The following SORCS1 variants were observed in gnomAD, a reference collection of about 807,000 sequenced individuals.
SORCS1 encodes VPS10 domain-containing receptor SorCS1.
SORCS1 carries 60 observed loss-of-function variants against 146.1 expected under a neutral mutation model. That is an observed-to-expected ratio of 0.41 (90% CI 0.33 to 0.51). The LOEUF (loss-of-function observed/expected upper bound fraction) is 0.51. SORCS1 is among the 20% of genes least tolerant of loss of function. The pLI, the probability that SORCS1 is intolerant of heterozygous loss-of-function variation, is 0.21. For synonymous variants in SORCS1, 637 were observed against 584.0 expected (o/e 1.09, Z -1.31); for missense variants, 1,352 against 1,487.6 (o/e 0.91, Z 1.50).
At chr10:107,093,483 G>A (rs545058195) in intron 1 of SORCS1, among the ~76,000 whole-genome samples, 45 of 152,218 alleles carry the variant, frequency 3.0e-4, no homozygotes, top group African/African-American at 1.0e-3. Context: ...AACCATCCTG[G>A]CCAACACAGT....
intron 1 of SORCS1, among the ~76,000 whole-genome samples, chr10:107,138,422 T>A (rs1967523514): frequency 1.3e-5 from 2 of 152,320 alleles, no homozygotes; most frequent in East Asian, 1.9e-4. Flanking sequence ...ATCCTTTTCA[T>A]ACACAGTTTT....
At chr10:106,900,087 C>T (rs1211115884) in intron 2 of SORCS1, among the ~76,000 whole-genome samples, 1 of 152,110 alleles carries the variant, frequency 6.6e-6, no homozygotes, top group East Asian at 1.9e-4. Flanking sequence ...CCTTCCCAAA[C>T]CGCACACTAA....
intron 2 of SORCS1, among the ~76,000 whole-genome samples, chr10:106,911,571 CG>C (rs1668609152): frequency 6.6e-6 from 1 of 152,088 alleles, no homozygotes; most frequent in South Asian, 2.1e-4. Context: ...TCCCCACAGG[CG>C]ATGTCACTGA....
At chr10:106,907,598 G>C (rs1264265908) in intron 2 of SORCS1, among the ~76,000 whole-genome samples, 1 of 151,952 alleles carries the variant, frequency 6.6e-6, no homozygotes, top group Non-Finnish European at 1.5e-5. Context: ...TTCTTATTTT[G>C]ATGACAAAAA....
At chr10:106,945,566 T>C (rs148468952) in intron 2 of SORCS1, among the ~76,000 whole-genome samples, 2 of 152,372 alleles carry the variant, frequency 1.3e-5, no homozygotes, top group East Asian at 1.9e-4. Context: ...GTGGTGTTCA[T>C]ACCAATGTAC....
chr10:107,011,475 T>C (rs772060793), intron 1 of SORCS1, among the ~76,000 whole-genome samples: 3 of 152,234 alleles, frequency 2.0e-5, no homozygotes, highest in Admixed American at 6.5e-5. Flanking sequence ...TTGTAAATGC[T>C]GTGTCTTTGC....
At position 106,915,199 on chromosome 10, in the gene SORCS1, C is replaced by T. The variant is rs143091207; in HGVS notation, c.626+41314G>A. Among the ~76,000 whole-genome samples, 542 of 152,228 alleles carry T rather than the reference C, an allele frequency of 3.6e-3. 2 individuals carry two copies. The highest frequency in any genetic ancestry group is 0.012 in the African/African-American group (503 of 41,520). ...AATGGGTCCTGTTTTAGAGTTTCTT[C>T]TCTCAGTGAATGGCACCACTATCTG... On this transcript the variant is annotated intron_variant, in intron 2 of 25. Coordinates refer to ENST00000263054, the MANE Select transcript of SORCS1 (RefSeq NM_052918.5).
chr10:106,988,450 T>A (rs111284528), intron 1 of SORCS1, among the ~76,000 whole-genome samples: 1 of 152,204 alleles, frequency 6.6e-6, no homozygotes, highest in Non-Finnish European at 1.5e-5. Flanking sequence ...AGTCTCTCAG[T>A]TGGACGTCTT....
intron 1 of SORCS1, among the ~76,000 whole-genome samples, chr10:107,011,038 A>G (rs1468446322): frequency 6.6e-6 from 1 of 152,202 alleles, no homozygotes; most frequent in East Asian, 1.9e-4. Context: ...GGCAATTCCC[A>G]CACACTGGGA....
intron 21 of SORCS1, among the ~76,000 whole-genome samples, chr10:106,615,415 C>A (rs547698943): frequency 6.6e-6 from 1 of 152,206 alleles, no homozygotes; most frequent in Admixed American, 6.5e-5. Context: ...CTAACCCCAG[C>A]GTTTACAAAT....
intron 1 of SORCS1, among the ~76,000 whole-genome samples, chr10:106,980,201 G>A (rs1421819545): frequency 6.6e-6 from 1 of 152,218 alleles, no homozygotes; most frequent in Non-Finnish European, 1.5e-5. Flanking sequence ...ATGATGTTGG[G>A]CCAATGTGTC....
intron 18 of SORCS1, among the ~76,000 whole-genome samples, chr10:106,638,872 T>C (rs1418396770): frequency 6.6e-6 from 1 of 152,234 alleles, no homozygotes; most frequent in Non-Finnish European, 1.5e-5. Context: ...TTTCTCTACC[T>C]GTAAATTAAA....
intron 21 of SORCS1, among the ~76,000 whole-genome samples, chr10:106,613,563 G>T (rs1847153811): frequency 2.0e-5 from 3 of 152,160 alleles, no homozygotes; most frequent in Non-Finnish European, 4.4e-5. Context: ...ATAAGCTTCA[G>T]AGCACAGCAC....
intron 5 of SORCS1, among the ~76,000 whole-genome samples, chr10:106,738,109 G>A (rs1330469144): frequency 1.3e-5 from 2 of 152,062 alleles, no homozygotes; most frequent in African/African-American, 2.4e-5. Context: ...ATACATAAAT[G>A]GGGAAGAAAA....
chr10:106,809,983 G>C (rs1388416052), intron 3 of SORCS1, among the ~76,000 whole-genome samples: 1 of 152,206 alleles, frequency 6.6e-6, no homozygotes, highest in African/African-American at 2.4e-5. Flanking sequence ...CATTTCGGAA[G>C]GCAGAGGCGG....
intron 1 of SORCS1, among the ~76,000 whole-genome samples, chr10:107,009,835 C>T (rs1388680763): frequency 2.6e-5 from 4 of 151,824 alleles, no homozygotes; most frequent in Non-Finnish European, 5.9e-5. Flanking sequence ...ATTATCAGAG[C>T]GACAAAGAAT....
At chr10:106,688,171 T>G (rs1853009298) in intron 10 of SORCS1, 21 bp downstream of exon 10, 1 of 1,610,070 alleles carries the variant, frequency 6.2e-7, no homozygotes, top group Admixed American at 1.7e-5. Context: ...TGAGGCATTC[T>G]GCTTCAATAG....
At chr10:106,725,918 G>A (rs1489109262) in intron 6 of SORCS1, among the ~76,000 whole-genome samples, 4 of 130,080 alleles carry the variant, frequency 3.1e-5, no homozygotes. Flanking sequence ...GTGACAGAGT[G>A]AGACTCTGTC....
At chr10:107,099,845 G>C (rs1019739400) in intron 1 of SORCS1, among the ~76,000 whole-genome samples, 13 of 152,172 alleles carry the variant, frequency 8.5e-5, no homozygotes, top group Non-Finnish European at 1.6e-4. Flanking sequence ...TGAAGTAAGA[G>C]ATTAATTAGC....
Sources: allele counts gnomAD v4.1 joint callset (sites outside exome capture counted in the v4.1 genomes callset), GRCh38; gene constraint gnomAD v4.1.1; transcripts MANE v1.5; gene names NCBI Gene and HGNC (gene_info 2026-07-23, HGNC 2026-07-21).